The following TEN1 variants were observed in gnomAD, a reference collection of about 807,000 sequenced individuals.
TEN1 encodes the protein TEN1 subunit of CST complex.
Under a neutral mutation model 9.3 loss-of-function variants are expected in TEN1, and 6 were observed. The observed-to-expected ratio is 0.65, with a 90% CI of 0.35 to 1.27. TEN1 has a LOEUF of 1.27. Ranked by LOEUF, TEN1 falls within the 50% of genes most tolerant of loss-of-function variation. The pLI is 0.03. For synonymous variants in TEN1, 65 were observed against 65.6 expected (o/e 0.99, Z 0.04); for missense variants, 149 against 158.2 (o/e 0.94, Z 0.31).
chr17:75,980,577 G>A (rs541295492), intron 1 of TEN1, among the ~76,000 whole-genome samples: 4 of 151,688 alleles, frequency 2.6e-5, no homozygotes, highest in Non-Finnish European at 5.9e-5. Context: ...ATAGGGGCTC[G>A]CCACCACACC....
In TEN1 at chr17:75,991,577, G is replaced by C. The variant is rs200875806; in HGVS notation, c.204G>C (p.Gln68His). ...AGTTGGTGGAGCCCTTCCACGCCCA[G>C]GTGGGCTCCCTGTACATCGTCCTCG... is the stretch of plus-strand genomic sequence containing the variant. ...CTKLVEPFHA[Q>H]VGSLYIVLGE... is the part of the protein sequence containing the mutation. Residue 68 changes from glutamine to histidine, a missense_variant, in exon 3 of 4, where the codon CAG (glutamine) becomes CAC (histidine). Physicochemically the swap from Gln to His is conservative, Grantham distance 24 (BLOSUM62 0). Transcript: ENST00000397640. 13 of 1,552,156 alleles carry C rather than the reference G, an allele frequency of 8.4e-6. No homozygotes were observed. Among genetic ancestry groups the C allele is most frequent in the Admixed American group, 2.0e-5 (1 of 50,998 alleles).
chr17:75,979,240 C>T lies in TEN1; in HGVS notation c.-278C>T, dbSNP rs993501143. 4.3e-6 allele frequency: 4 copies of T among 926,414 alleles called. No individual in the cohort carries two copies. In the African/African-American group the frequency reaches 6.5e-5, roughly 15 times the overall value. The allele number at this position is 926,414 out of a possible 1,614,324, so 57.4% of individuals were successfully genotyped here. A position where few individuals can be genotyped will look rare whatever the true frequency, so the allele number is the denominator to read the frequency against. Reference sequence around the variant, plus strand: ...GGCCCGCCCCTTCTTTCTCCGTGGCCCTTTGGCGCGTGAGTGACAGCGGCC... The same window carrying T: ...GGCCCGCCCCTTCTTTCTCCGTGGCTCTTTGGCGCGTGAGTGACAGCGGCC... On this transcript the variant is annotated 5_prime_UTR_variant, in exon 1 of 4. Coordinates refer to ENST00000397640, the MANE Select transcript of TEN1 (RefSeq NM_001113324.3).
At chr17:75,985,846 T>TA (rs1370812018) in intron 1 of TEN1, among the ~76,000 whole-genome samples, 1 of 150,854 alleles carries the variant, frequency 6.6e-6, no homozygotes, top group Non-Finnish European at 1.5e-5. Flanking sequence ...CTTTTTTTTT[T>TA]AATACATGAA....
intron 3 of TEN1, among the ~76,000 whole-genome samples, chr17:75,994,928 C>A (rs1245601576): frequency 6.6e-6 from 1 of 152,144 alleles, no homozygotes; most frequent in African/African-American, 2.4e-5. Flanking sequence ...CTGCTTTAAA[C>A]CTCCCTGTGA....
intron 2 of TEN1, among the ~76,000 whole-genome samples, chr17:75,987,192 G>C (rs973631176): frequency 2.6e-5 from 4 of 152,056 alleles, no homozygotes; most frequent in African/African-American, 9.7e-5. Flanking sequence ...TGGTTTAACT[G>C]TTTGGATCTG....
chr17:75,987,383 G>GA (rs751940407), intron 2 of TEN1, among the ~76,000 whole-genome samples: 16 of 152,210 alleles, frequency 1.1e-4, no homozygotes, highest in Non-Finnish European at 1.9e-4. Flanking sequence ...AGTTCTGTGT[G>GA]AGGGTCCTCA....
intron 1 of TEN1, among the ~76,000 whole-genome samples, chr17:75,980,428 A>T (rs1482824036): frequency 1.2e-4 from 17 of 146,064 alleles, no homozygotes; most frequent in South Asian, 1.1e-3. Flanking sequence ...ATCTCTAGTC[A>T]TTTTTTTTTT....
intron 1 of TEN1, among the ~76,000 whole-genome samples, chr17:75,981,291 A>T (rs1220528417): frequency 1.3e-5 from 2 of 151,742 alleles, no homozygotes; most frequent in African/African-American, 4.8e-5. Flanking sequence ...GGTTCAAATG[A>T]TTCTCATGCC....
chr17:75,995,097 T>C (rs1056594824), intron 3 of TEN1, among the ~76,000 whole-genome samples: 4 of 152,044 alleles, frequency 2.6e-5, no homozygotes, highest in Non-Finnish European at 5.9e-5. Flanking sequence ...GGCACAGGCT[T>C]GTAGTCCCAG....
chr17:75,990,029 G>A (rs552618807), intron 2 of TEN1, among the ~76,000 whole-genome samples: 2 of 151,656 alleles, frequency 1.3e-5, no homozygotes, highest in African/African-American at 2.4e-5. Flanking sequence ...TTACAGATGT[G>A]AGCCACCATG....
chr17:75,981,352 A>G (rs995665711), intron 1 of TEN1, among the ~76,000 whole-genome samples: 1 of 152,048 alleles, frequency 6.6e-6, no homozygotes, highest in Admixed American at 6.6e-5. Flanking sequence ...ACACTTGGCT[A>G]ATTTTTGTGT....
intron 3 of TEN1, among the ~76,000 whole-genome samples, chr17:75,997,087 C>G (rs767831197): frequency 1.3e-4 from 20 of 152,190 alleles, no homozygotes; most frequent in Non-Finnish European, 1.6e-4. Flanking sequence ...TCTGCTGCGT[C>G]CCTCTTGCCC....
chr17:75,985,439 T>A (rs189405013), intron 1 of TEN1, among the ~76,000 whole-genome samples: 9 of 151,874 alleles, frequency 5.9e-5, no homozygotes, highest in Admixed American at 5.9e-4. Context: ...TGAGCCACTG[T>A]GCCTGGCCTA....
rs188647604 is a variant in TEN1, at chr17:75,979,568, T to C, written c.-7+57T>C. 4.4e-3 allele frequency: 1,143 copies of C among 258,972 alleles called. 7 individuals carry two copies. The highest frequency in any genetic ancestry group is 0.028 in the Middle Eastern group (17 of 612). The allele number at this position is 258,972 out of a possible 1,614,324, so 16.0% of individuals were successfully genotyped here. On this transcript the variant is annotated intron_variant, in intron 1 of 3. Coordinates refer to ENST00000397640, the MANE Select transcript of TEN1 (RefSeq NM_001113324.3). The stretch of plus-strand genomic sequence containing the variant: ...AACGAGGCTGAGGAGGGATTGCGCC[T>C]GCACTTGCCCCCCTCTTACCCCGCG...
intron 1 of TEN1, chr17:75,984,631 C>T (rs1221083342): frequency 6.6e-6 from 1 of 152,348 alleles, no homozygotes; most frequent in African/African-American, 2.4e-5. Context: ...CTGCCCGCCT[C>T]AGCCTCCTCA....
intron 2 of TEN1, among the ~76,000 whole-genome samples, chr17:75,989,145 G>C (rs994044593): frequency 6.6e-6 from 1 of 150,942 alleles, no homozygotes; most frequent in Non-Finnish European, 1.5e-5. Context: ...TGTTGCCCAG[G>C]CTGGAGTGCA....
intron 1 of TEN1, among the ~76,000 whole-genome samples, chr17:75,981,898 G>A (rs2066123186): frequency 6.6e-6 from 1 of 152,164 alleles, no homozygotes; most frequent in Non-Finnish European, 1.5e-5. Flanking sequence ...GAGGTGCCAT[G>A]TGCCTGTAGT....
intron 3 of TEN1, among the ~76,000 whole-genome samples, chr17:75,993,434 A>G (rs1479353540): frequency 6.6e-6 from 1 of 152,104 alleles, no homozygotes; most frequent in Non-Finnish European, 1.5e-5. Context: ...GTCACAGCGA[A>G]TGAACGCAGG....
At chr17:75,990,218 T>C (rs1475589168) in intron 2 of TEN1, among the ~76,000 whole-genome samples, 1 of 151,206 alleles carries the variant, frequency 6.6e-6, no homozygotes, top group Admixed American at 6.6e-5. Context: ...GCTAATTTTT[T>C]TTATATTTTT....
Sources: gnomAD v4.1 joint callset for allele counts (sites outside exome capture counted in the v4.1 genomes callset) on GRCh38, gnomAD v4.1.1 for gene constraint, MANE v1.5 for transcripts, NCBI Gene and HGNC (gene_info 2026-07-23, HGNC 2026-07-21) for gene names.